The following MSRA variants were observed in gnomAD, a reference collection of about 807,000 sequenced individuals.
MSRA encodes the protein mitochondrial peptide methionine sulfoxide reductase.
Under a neutral mutation model 31.3 loss-of-function variants are expected in MSRA, and 54 were observed. That is an observed-to-expected ratio of 1.73 (90% confidence interval 1.39 to 2.17). The LOEUF is 2.17. Among genes scored for constraint, MSRA ranks in the 30% most tolerant of loss-of-function variants. The pLI, the probability that MSRA is intolerant of heterozygous loss-of-function variation, is 0.00. For synonymous variants in MSRA, 169 were observed against 116.5 expected, an observed-to-expected ratio of 1.45 and a Z score of -2.90; for missense variants, 507 against 300.9, an observed-to-expected ratio of 1.69 and a Z score of -5.07.
rs1045642081 is a variant in MSRA, at chr8:10,352,268, T to C, written c.543+32279T>C. Among the ~76,000 whole-genome samples, 5 of 152,288 alleles carry C rather than the reference T, an allele frequency of 3.3e-5. No individual in the cohort carries two copies. In the East Asian group the frequency reaches 5.8e-4, roughly 18 times the overall value. On this transcript the variant is annotated intron_variant, in intron 5 of 5. Transcript: ENST00000317173. ...TTAAATTCTCATATATAAAAACATA[T>C]AGATATGAAGACATTACAATAATAT...
At chr8:10,198,664 C>T (rs564888796) in intron 1 of MSRA, among the ~76,000 whole-genome samples, 1 of 152,266 alleles carries the variant, frequency 6.6e-6, no homozygotes, top group South Asian at 2.1e-4. Flanking sequence ...TCCTCTGTCA[C>T]CCAGGCTGGA....
chr8:10,149,802 T>A (rs76448690), intron 1 of MSRA, among the ~76,000 whole-genome samples: 665 of 16,184 alleles, frequency 0.041, 5 homozygotes, highest in Non-Finnish European at 0.085. Flanking sequence ...TGACTAATAT[T>A]TGAGAAGCAC....
chr8:10,218,457 C>T (rs1271405590), intron 2 of MSRA, among the ~76,000 whole-genome samples: 2 of 152,042 alleles, frequency 1.3e-5, no homozygotes, highest in African/African-American at 4.8e-5. Flanking sequence ...GGTTCCTTTT[C>T]TTTTGGTGAA....
intron 5 of MSRA, among the ~76,000 whole-genome samples, chr8:10,358,208 T>A (rs1804623048): frequency 6.6e-6 from 1 of 151,990 alleles, no homozygotes; most frequent in African/African-American, 2.4e-5. Flanking sequence ...GGATTGCAGG[T>A]GTGAGCCACC....
At chr8:10,115,917 A>C (rs981964371) in intron 1 of MSRA, among the ~76,000 whole-genome samples, 2 of 152,206 alleles carry the variant, frequency 1.3e-5, no homozygotes, top group African/African-American at 4.8e-5. Flanking sequence ...CTAATTTTTG[A>C]ATAAAACCAG....
chr8:10,417,707 C>CT (rs1330075132), intron 5 of MSRA, among the ~76,000 whole-genome samples: 5 of 142,782 alleles, frequency 3.5e-5, no homozygotes, highest in Non-Finnish European at 6.1e-5. Context: ...TCCCTATGGA[C>CT]TAAAATAGCT....
chr8:10,074,292 C>T (rs977591134), intron 1 of MSRA, among the ~76,000 whole-genome samples: 3 of 151,772 alleles, frequency 2.0e-5, no homozygotes, highest in Non-Finnish European at 4.4e-5. Flanking sequence ...CCGTGTTAGC[C>T]AGGATGGTCT....
At chr8:10,355,048 A>T (rs977729277) in intron 5 of MSRA, among the ~76,000 whole-genome samples, 1 of 152,158 alleles carries the variant, frequency 6.6e-6, no homozygotes, top group African/African-American at 2.4e-5. Flanking sequence ...TCAGTAGCAT[A>T]ATGTATTTTC....
chr8:10,196,674 C>T lies in MSRA; in HGVS notation c.143-11159C>T, dbSNP rs954284635. Among the ~76,000 whole-genome samples the T allele has an allele frequency of 3.3e-5, 5 of 152,238 alleles. No individual in the cohort carries two copies. The East Asian group carries it at 5.8e-4, about 18-fold the overall frequency. On this transcript the variant is annotated intron_variant, in intron 1 of 5. Coordinates refer to ENST00000317173, the MANE Select transcript of MSRA (RefSeq NM_012331.5). ...AAGCCATTTTCCTGCCTCACCCTCC[C>T]GAGTAGCTGGAATTACAGGGATGCA...
chr8:10,230,977 G>A (rs908860140), intron 2 of MSRA, among the ~76,000 whole-genome samples: 2 of 152,162 alleles, frequency 1.3e-5, no homozygotes, highest in Non-Finnish European at 2.9e-5. Context: ...TAGAGATAGG[G>A]TTTCACCGTG....
At chr8:10,207,701 C>G (rs990970001) in intron 1 of MSRA, 132 bp from the exon 2 acceptor site, 19 of 710,458 alleles carry the variant, frequency 2.7e-5, no homozygotes, top group Non-Finnish European at 4.0e-5. Context: ...AATTGAAGCT[C>G]TCTTCAGAGG....
chr8:10,279,582 C>T (rs928028989), intron 3 of MSRA, among the ~76,000 whole-genome samples: 1 of 152,116 alleles, frequency 6.6e-6, no homozygotes, highest in South Asian at 2.1e-4. Context: ...ACTTTTTTCC[C>T]CATATGCATC....
At chr8:10,148,185 C>T (rs988702335) in intron 1 of MSRA, among the ~76,000 whole-genome samples, 7 of 152,090 alleles carry the variant, frequency 4.6e-5, no homozygotes, top group African/African-American at 1.4e-4. Context: ...TTTCTGGAAA[C>T]GCAAGGATGG....
At position 10,319,908 on chromosome 8, in the gene MSRA, C is replaced by G; in HGVS notation, c.462C>G (p.Gly154=). 1 of 1,571,720 alleles carries G rather than the reference C, an allele frequency of 6.4e-7. No homozygotes were observed. The highest frequency in any genetic ancestry group is 8.6e-7 in the Non-Finnish European group (1 of 1,158,896). The change falls in exon 5 of 6, where the codon GGC becomes GGG. Residue 154 remains glycine (G), a synonymous_variant. Transcript: ENST00000317173. ...GTATGCGCCAGGGGAACGACCATGG[C>G]ACTCAGTACCGCTCGGCCATCTACC... The part of the protein sequence containing the change: ...TQGMRQGNDH[G]TQYRSAIYPT...
intron 1 of MSRA, among the ~76,000 whole-genome samples, chr8:10,106,282 C>T (rs996679888): frequency 6.6e-6 from 1 of 152,132 alleles, no homozygotes; most frequent in African/African-American, 2.4e-5. Context: ...ACTCGTTTGC[C>T]ATTTACTGCA....
chr8:10,273,981 C>T (rs1162592399), intron 3 of MSRA, among the ~76,000 whole-genome samples: 2 of 151,968 alleles, frequency 1.3e-5, no homozygotes, highest in Non-Finnish European at 2.9e-5. Context: ...GAGAGTTGTA[C>T]CCTGCAGGGG....
intron 3 of MSRA, among the ~76,000 whole-genome samples, chr8:10,282,969 A>G (rs1319982938): frequency 6.6e-6 from 1 of 152,132 alleles, no homozygotes; most frequent in Non-Finnish European, 1.5e-5. Flanking sequence ...CCTAACCCTT[A>G]GAAAATGCAT....
At chr8:10,418,649 G>A (rs1046682475) in intron 5 of MSRA, among the ~76,000 whole-genome samples, 1 of 151,966 alleles carries the variant, frequency 6.6e-6, no homozygotes, top group Non-Finnish European at 1.5e-5. Context: ...TGTACGTTCA[G>A]GTTCCTTTCT....
chr8:10,229,752 A>T (rs1250280837), intron 2 of MSRA, among the ~76,000 whole-genome samples: 1 of 152,228 alleles, frequency 6.6e-6, no homozygotes, highest in Non-Finnish European at 1.5e-5. Flanking sequence ...GAGGCCACAC[A>T]GTAAGTGTTT....
Sources: gnomAD v4.1 joint callset for allele counts (sites outside exome capture counted in the v4.1 genomes callset) on GRCh38, gnomAD v4.1.1 for gene constraint, MANE v1.5 for transcripts, NCBI Gene and HGNC (gene_info 2026-07-23, HGNC 2026-07-21) for gene names.